IQCJ: variants seen among roughly 807,000 people sequenced by gnomAD.
IQCJ encodes IQ domain-containing protein J.
IQCJ carries 9 observed loss-of-function variants against 11.0 expected under a neutral mutation model. That is an observed-to-expected ratio of 0.82 (90% CI 0.49 to 1.43). The LOEUF is 1.43. IQCJ is among the 40% of genes most tolerant of loss of function. The pLI, the probability that IQCJ is intolerant of heterozygous loss-of-function variation, is 0.00. For synonymous variants in IQCJ, 55 were observed against 51.3 expected (o/e 1.07, Z -0.31); for missense variants, 146 against 133.2 (o/e 1.10, Z -0.47).
intron 1 of IQCJ, among the ~76,000 whole-genome samples, chr3:159,109,067 C>T (rs933885221): frequency 1.2e-4 from 18 of 152,202 alleles, no homozygotes; most frequent in Admixed American, 1.3e-4. Flanking sequence ...TTACCAATGA[C>T]AAGCCCTGAA....
chr3:159,235,175 A>G (rs1292714917), intron 1 of IQCJ, among the ~76,000 whole-genome samples: 1 of 152,204 alleles, frequency 6.6e-6, no homozygotes, highest in Non-Finnish European at 1.5e-5. Flanking sequence ...GCAGAAATAC[A>G]TGAAATGTAA....
chr3:159,078,621 G>A (rs1716104476), intron 1 of IQCJ, among the ~76,000 whole-genome samples: 1 of 150,942 alleles, frequency 6.6e-6, no homozygotes, highest in Non-Finnish European at 1.5e-5. Context: ...GTTGTGAAAT[G>A]TGAAGTGGTT....
intron 1 of IQCJ, among the ~76,000 whole-genome samples, chr3:159,090,090 G>A (rs1717134829): frequency 1.3e-5 from 2 of 151,840 alleles, no homozygotes; most frequent in African/African-American, 4.9e-5. Context: ...ATGTAAAGAT[G>A]GGTTTTTGGT....
chr3:159,242,069 G>C (rs926019462), intron 1 of IQCJ, among the ~76,000 whole-genome samples: 2 of 152,180 alleles, frequency 1.3e-5, no homozygotes, highest in Non-Finnish European at 2.9e-5. Context: ...ACAAGGAACA[G>C]CGAAGATAAA....
chr3:159,161,986 T>G (rs1469887113), intron 1 of IQCJ, among the ~76,000 whole-genome samples: 1 of 152,104 alleles, frequency 6.6e-6, no homozygotes, highest in Non-Finnish European at 1.5e-5. Flanking sequence ...CTTTGTTCTT[T>G]TGGCTTAGGA....
chr3:159,079,188 G>A (rs1180408388), intron 1 of IQCJ, among the ~76,000 whole-genome samples: 1 of 152,100 alleles, frequency 6.6e-6, no homozygotes, highest in African/African-American at 2.4e-5. Flanking sequence ...GCATGTCATT[G>A]TGGGGGCTTG....
At chr3:159,156,696 G>A (rs189449814) in intron 1 of IQCJ, among the ~76,000 whole-genome samples, 102 of 152,226 alleles carry the variant, frequency 6.7e-4, no homozygotes, top group African/African-American at 2.2e-3. Flanking sequence ...AGGTAGAAGA[G>A]GTGTAAAGAG....
At chr3:159,130,422 A>AG (rs1719925241) in intron 1 of IQCJ, among the ~76,000 whole-genome samples, 1 of 152,174 alleles carries the variant, frequency 6.6e-6, no homozygotes, top group South Asian at 2.1e-4. Context: ...TAGATCTCTA[A>AG]GGGGCAAAAG....
chr3:159,084,552 A>G (rs959646923), intron 1 of IQCJ, among the ~76,000 whole-genome samples: 1 of 152,124 alleles, frequency 6.6e-6, no homozygotes, highest in Non-Finnish European at 1.5e-5. Flanking sequence ...TTCACTCTTC[A>G]CAACAATCCT....
intron 1 of IQCJ, among the ~76,000 whole-genome samples, chr3:159,126,352 C>G (rs967238154): frequency 3.3e-5 from 5 of 152,198 alleles, no homozygotes; most frequent in African/African-American, 1.2e-4. Context: ...AAGTACCCAG[C>G]TCAGCACAAA....
At chr3:159,077,845 T>C (rs1478473740) in intron 1 of IQCJ, among the ~76,000 whole-genome samples, 1 of 152,154 alleles carries the variant, frequency 6.6e-6, no homozygotes, top group Admixed American at 6.5e-5. Context: ...AAAAAATTCC[T>C]TTGTTCCCTT....
At chr3:159,092,096 ACAT>A (rs1431550250) in intron 1 of IQCJ, among the ~76,000 whole-genome samples, 1 of 151,836 alleles carries the variant, frequency 6.6e-6, no homozygotes, top group Non-Finnish European at 1.5e-5. Context: ...GCTCTGGAGG[ACAT>A]CACCTTCCCC....
At chr3:159,244,029 T>C (rs1727093301) in intron 1 of IQCJ, among the ~76,000 whole-genome samples, 1 of 152,200 alleles carries the variant, frequency 6.6e-6, no homozygotes, top group South Asian at 2.1e-4. Flanking sequence ...TGAATAGTGA[T>C]ACCATTTGCT....
At chr3:159,163,859 C>T (rs928750372) in intron 1 of IQCJ, among the ~76,000 whole-genome samples, 1 of 152,172 alleles carries the variant, frequency 6.6e-6, no homozygotes, top group African/African-American at 2.4e-5. Context: ...ACTGCATACA[C>T]TACGCTTGAG....
chr3:159,211,699 T>A (rs1205891378), intron 1 of IQCJ, among the ~76,000 whole-genome samples: 2 of 152,212 alleles, frequency 1.3e-5, no homozygotes, highest in African/African-American at 4.8e-5. Context: ...AAGGTGCAAC[T>A]CTTTTCATTG....
At chr3:159,255,727 G>T (rs185575079) in intron 3 of IQCJ, among the ~76,000 whole-genome samples, 1 of 152,246 alleles carries the variant, frequency 6.6e-6, no homozygotes, top group Non-Finnish European at 1.5e-5. Context: ...TAGACCAGAG[G>T]ATCAAAAGAG....
At position 159,263,524 on chromosome 3, in the gene IQCJ, T is replaced by C; in HGVS notation, c.*793T>C. On this transcript the variant is annotated 3_prime_UTR_variant, in exon 4 of 4. Coordinates refer to ENST00000397832, the MANE Select transcript of IQCJ (RefSeq NM_001042706.3). ...CAGGATTTTGTGGATTTAAGCATTG[T>C]GATAATTTGTAACCAGTCACTGAAA... The C allele has an allele frequency of 1.0e-6, 1 of 985,018 alleles. No homozygotes were observed. Among genetic ancestry groups the C allele is most frequent in the Non-Finnish European group, 1.2e-6 (1 of 829,572 alleles). 61.0% of individuals were successfully genotyped at this position (985,018 alleles called of 1,614,324 possible). A position where few individuals can be genotyped will look rare whatever the true frequency, so the allele number is the denominator to read the frequency against.
At chr3:159,247,994 TA>T (rs778949816) in intron 2 of IQCJ, among the ~76,000 whole-genome samples, 1 of 152,188 alleles carries the variant, frequency 6.6e-6, no homozygotes, top group Non-Finnish European at 1.5e-5. Context: ...AAGAAGAGTG[TA>T]AATGACCATA....
intron 1 of IQCJ, among the ~76,000 whole-genome samples, chr3:159,086,780 C>T (rs1391290420): frequency 1.3e-5 from 2 of 152,178 alleles, no homozygotes; most frequent in Non-Finnish European, 1.5e-5. Flanking sequence ...ATCCTGAGAC[C>T]TTACTGAAGT....
Sources: allele counts gnomAD v4.1 joint callset (sites outside exome capture counted in the v4.1 genomes callset), GRCh38; gene constraint gnomAD v4.1.1; transcripts MANE v1.5; gene names NCBI Gene and HGNC (gene_info 2026-07-23, HGNC 2026-07-21).